The following HNRNPM variants were observed in gnomAD, a reference collection of about 807,000 sequenced individuals.
HNRNPM encodes the protein heterogeneous nuclear ribonucleoprotein M, also known as CEA receptor.
In HNRNPM, 11 loss-of-function variants were observed where a neutral mutation model predicts 73.1. The ratio of observed to expected loss-of-function variants is 0.15; its 90% CI spans 0.09 to 0.25. The LOEUF (loss-of-function observed/expected upper bound fraction) is 0.25. Ranked by LOEUF, HNRNPM falls within the 10% of genes least tolerant of loss-of-function variation. The pLI, the probability that HNRNPM is intolerant of heterozygous loss-of-function variation, is 1.00. For synonymous variants in HNRNPM, 407 were observed against 355.2 expected (o/e 1.15, Z -1.64); for missense variants, 789 against 1,067.9 (o/e 0.74, Z 3.64).
intron 10 of HNRNPM, among the ~76,000 whole-genome samples, chr19:8,472,224 C>T (rs1048264733): frequency 6.7e-6 from 1 of 148,290 alleles, no homozygotes; most frequent in Admixed American, 6.7e-5. Context: ...GTAGAATAAA[C>T]TCAGGCTTTG....
At chr19:8,472,750 T>C (rs552159344) in intron 10 of HNRNPM, among the ~76,000 whole-genome samples, 114 of 151,634 alleles carry the variant, frequency 7.5e-4, no homozygotes, top group South Asian at 1.7e-3. Flanking sequence ...ACCCAGCTAA[T>C]TTTTTGTATT....
intron 1 of HNRNPM, among the ~76,000 whole-genome samples, chr19:8,452,921 A>G (rs635153): frequency 0.28 from 42,365 of 151,956 alleles, 6,510 homozygotes; most frequent in South Asian, 0.41. Context: ...GTTCACTGCA[A>G]TCTTGACCTC....
At position 8,445,016 on chromosome 19, in the gene HNRNPM, A is replaced by G; in HGVS notation, c.18A>G (p.Glu6=). 3 of 1,425,468 alleles carry G rather than the reference A, an allele frequency of 2.1e-6. No individual in the cohort carries two copies. Among genetic ancestry groups the G allele is most frequent in the Non-Finnish European group, 2.7e-6 (3 of 1,091,828 alleles). 88.3% of individuals were successfully genotyped at this position (1,425,468 alleles called of 1,614,324 possible). Residue 6 remains glutamate, a synonymous_variant, in exon 1 of 16, where the codon GAA becomes GAG. Coordinates refer to ENST00000325495, the MANE Select transcript of HNRNPM (RefSeq NM_005968.5). ...CGGAGAAAATGGCGGCAGGGGTCGAAGCGGCGGCGGAGGTGGCGGCGACGG... is the reference window on the plus strand; with the variant it reads ...CGGAGAAAATGGCGGCAGGGGTCGAGGCGGCGGCGGAGGTGGCGGCGACGG... MAAGV[E]AAAEVAATEI... is the part of the protein sequence containing the mutation.
chr19:8,473,236 C>G (rs567716602), intron 10 of HNRNPM, among the ~76,000 whole-genome samples: 1 of 152,060 alleles, frequency 6.6e-6, no homozygotes, highest in East Asian at 1.9e-4. Context: ...GAAGGAGACC[C>G]TGTCTCAAAA....
intron 13 of HNRNPM, among the ~76,000 whole-genome samples, chr19:8,483,948 T>G (rs1309814931): frequency 6.6e-6 from 1 of 151,874 alleles, no homozygotes; most frequent in Admixed American, 6.6e-5. Flanking sequence ...TGATTTTTTT[T>G]GTAGAGATGG....
chr19:8,466,520 G>C (rs1261053490), intron 7 of HNRNPM, 132 bp downstream of exon 7: 1 of 950,906 alleles, frequency 1.1e-6, no homozygotes, highest in Non-Finnish European at 1.6e-6. Flanking sequence ...GTGCATTACT[G>C]TGGAATTAAG....
At chr19:8,451,596 G>C (rs1244530377) in intron 1 of HNRNPM, among the ~76,000 whole-genome samples, 1 of 152,102 alleles carries the variant, frequency 6.6e-6, no homozygotes, top group Non-Finnish European at 1.5e-5. Flanking sequence ...GGAGTGTAGT[G>C]GTGCAATCAT....
intron 1 of HNRNPM, among the ~76,000 whole-genome samples, chr19:8,450,147 G>A (rs1968503781): frequency 6.6e-6 from 1 of 152,220 alleles, no homozygotes; most frequent in Admixed American, 6.5e-5. Context: ...CATTAGAGCA[G>A]CGCAGGACTT....
intron 12 of HNRNPM, chr19:8,482,949 C>G (rs901174468): frequency 1.5e-5 from 8 of 539,982 alleles, no homozygotes; most frequent in Non-Finnish European, 2.0e-5. Context: ...GACTCTGGAG[C>G]TACGTGGGGT....
intron 2 of HNRNPM, among the ~76,000 whole-genome samples, chr19:8,461,694 AC>A (rs552019896): frequency 4.6e-4 from 70 of 152,310 alleles, no homozygotes; most frequent in African/African-American, 1.6e-3. Flanking sequence ...CTGTTTAGAT[AC>A]AAAATCTGAG....
intron 6 of HNRNPM, 77 bp from the exon 7 acceptor site, chr19:8,466,158 T>C: frequency 7.3e-7 from 1 of 1,369,490 alleles, no homozygotes; most frequent in East Asian, 2.3e-5. Context: ...CCAAAGCATG[T>C]ATCATTCATG....
intron 1 of HNRNPM, among the ~76,000 whole-genome samples, chr19:8,451,706 T>C (rs1372452607): frequency 6.6e-6 from 1 of 152,056 alleles, no homozygotes; most frequent in Non-Finnish European, 1.5e-5. Context: ...TTTTTGTATT[T>C]TTTTTGTAGG....
At chr19:8,445,943 C>T (rs1486009865) in intron 1 of HNRNPM, among the ~76,000 whole-genome samples, 1 of 152,164 alleles carries the variant, frequency 6.6e-6, no homozygotes, top group African/African-American at 2.4e-5. Flanking sequence ...CTTTTCGAGT[C>T]CTGCTTGGGG....
At chr19:8,463,850 T>C in intron 5 of HNRNPM, 164 bp downstream of exon 5, 1 of 588,250 alleles carries the variant, frequency 1.7e-6, no homozygotes, top group Non-Finnish European at 3.0e-6. Flanking sequence ...AGCCATTCCC[T>C]GCAAGGACTT....
At chr19:8,480,553 C>G (rs561187957) in intron 12 of HNRNPM, among the ~76,000 whole-genome samples, 4 of 150,686 alleles carry the variant, frequency 2.7e-5, no homozygotes, top group South Asian at 4.2e-4. Context: ...GTAATCCCAG[C>G]TATTCAGGTG....
At chr19:8,470,796 G>T (rs1599805654) in intron 9 of HNRNPM, among the ~76,000 whole-genome samples, 1 of 152,182 alleles carries the variant, frequency 6.6e-6, no homozygotes, top group African/African-American at 2.4e-5. Flanking sequence ...TGGGTATCCA[G>T]TTGTGGGTTG....
In HNRNPM at chr19:8,486,634, CAG is replaced by C. The variant is rs1166048007; in HGVS notation, c.1977+233_1977+234del. Among the ~76,000 whole-genome samples, 11 of 87,566 alleles carry C rather than the reference CAG, an allele frequency of 1.3e-4. 1 individual carries two copies. The Admixed American group carries it at 1.6e-3, about 13-fold the overall frequency. The allele number at this position is 87,566 out of a possible 152,430, so 57.4% of individuals were successfully genotyped here. On this transcript the variant is annotated intron_variant, in intron 14 of 15. Coordinates refer to ENST00000325495, the MANE Select transcript of HNRNPM (RefSeq NM_005968.5). ...TAGAATATGGAGCAGACGCTGAGCT[CAG>C]AGACTCCAGTTTCTGATTGGTTGGC...
intron 1 of HNRNPM, among the ~76,000 whole-genome samples, chr19:8,448,231 C>G (rs1968351321): frequency 6.6e-6 from 1 of 152,070 alleles, no homozygotes; most frequent in Non-Finnish European, 1.5e-5. Flanking sequence ...AGCTAGCAAG[C>G]TTGATCTGGG....
intron 10 of HNRNPM, 91 bp from the exon 11 acceptor site, chr19:8,473,573 C>A: frequency 2.6e-6 from 2 of 781,866 alleles, no homozygotes; most frequent in East Asian, 2.6e-5. Flanking sequence ...CTTTTGAGTT[C>A]TTTTGCTGGT....
Sources: allele counts gnomAD v4.1 joint callset (sites outside exome capture counted in the v4.1 genomes callset), GRCh38; gene constraint gnomAD v4.1.1; transcripts MANE v1.5; gene names NCBI Gene and HGNC (gene_info 2026-07-23, HGNC 2026-07-21).